The following COL16A1 variants were observed in gnomAD, a reference collection of about 807,000 sequenced individuals.
COL16A1 encodes the protein collagen alpha-1(XVI) chain.
Under a neutral mutation model 266.3 loss-of-function variants are expected in COL16A1, and 189 were observed. That is an observed-to-expected ratio of 0.71 (90% confidence interval 0.63 to 0.80). The LOEUF is 0.80. Ranked by LOEUF, COL16A1 falls within the 30% of genes least tolerant of loss-of-function variation. COL16A1 has a pLI of 0.00. For missense variants in COL16A1, 1,928 were observed against 2,122.4 expected (o/e 0.91, Z 1.80); for synonymous variants, 740 against 782.3 (o/e 0.95, Z 0.90).
chr1:31,693,022 G>A, intron 13 of COL16A1, 70 bp downstream of exon 13: 1 of 1,105,644 alleles, frequency 9.0e-7, no homozygotes, highest in Non-Finnish European at 1.4e-6. Context: ...TGGGATGATG[G>A]CTCACATCCC....
chr1:31,662,234 C>A (rs549308692), intron 58 of COL16A1, 100 bp downstream of exon 58: 56 of 1,548,950 alleles, frequency 3.6e-5, no homozygotes, highest in Non-Finnish European at 4.8e-5. Context: ...CTGACAAAGA[C>A]GGGGATACTT....
chr1:31,694,630 A>G (rs1459294361), intron 11 of COL16A1, among the ~76,000 whole-genome samples: 1 of 152,192 alleles, frequency 6.6e-6, no homozygotes, highest in African/African-American at 2.4e-5. Flanking sequence ...TCAGAATGTT[A>G]GGCCCCAGAA....
chr1:31,662,980 C>A, intron 56 of COL16A1: 1 of 462,066 alleles, frequency 2.2e-6, no homozygotes, highest in Non-Finnish European at 3.9e-6. Context: ...CAGCTTCAAT[C>A]CACTGTGAAA....
Position 31,691,419 on chromosome 1 carries a change from G to A in COL16A1, c.1396C>T (p.Pro466Ser). Residue 466 changes from proline (P) to serine (S), a missense_variant and splice_region_variant, in exon 19 of 71, where the codon CCG (proline) becomes TCG (serine). Pro to Ser is a moderately conservative substitution (Grantham distance 74). Around this residue, in one of 2 missense-constraint regions of COL16A1, gnomAD observed 1,552 missense variants for 1,637.2 expected, o/e 0.95. Transcript: ENST00000373672. ...AGGAGAAGCAAGGGGGTACTCACCG[G>A]GGTCCCAGGCAGTCCTATCCCAGGG... ...GPPGIGLPGT[P>S]GDPGGPPGPK... The A allele has an allele frequency of 6.2e-7, 1 of 1,609,720 alleles. No homozygotes were observed. The highest frequency in any genetic ancestry group is 8.5e-7 in the Non-Finnish European group (1 of 1,177,388).
Position 31,686,247 on chromosome 1 carries a change from ACTGCCAGCTGGCC to A in COL16A1, c.1823_1835del (p.Gly608ValfsTer69), listed in dbSNP as rs746331481. On this transcript the variant is annotated frameshift_variant, in exon 27 of 71. Coordinates refer to ENST00000373672, the MANE Select transcript of COL16A1 (RefSeq NM_001856.4). LOFTEE classifies it high-confidence loss of function. Reference sequence around the variant, plus strand: ...TTGCCATCCAAAACATACTTACTGGACTGCCAGCTGGCCCTGCCTCCCCGAAGTTACCCTGAGA... The same window carrying A: ...TTGCCATCCAAAACATACTTACTGGACTGCCTCCCCGAAGTTACCCTGAGA... 14 of 1,614,032 alleles carry A rather than the reference ACTGCCAGCTGGCC, an allele frequency of 8.7e-6. No homozygotes were observed. Among genetic ancestry groups the A allele is most frequent in the Non-Finnish European group, 1.0e-5 (12 of 1,180,038 alleles).
chr1:31,672,458 GC>G lies in COL16A1; in HGVS notation c.3062del (p.Gly1021AlafsTer20). ...CTGGCAATCCCGGAGGACCAGGTAG[GC>G]CTGGGCTCCCAACACAGCCAGGATC... ...EGDPGCVGSP[G>X]LPGPPGLPGQ... On this transcript the variant is annotated frameshift_variant, in exon 47 of 71. Transcript: ENST00000373672. LOFTEE classifies it high-confidence loss of function. 6.2e-7 allele frequency: 1 copy of G among 1,614,132 alleles called. No individual in the cohort carries two copies. The highest frequency in any genetic ancestry group is 2.2e-5 in the East Asian group (1 of 44,878).
chr1:31,682,552 G>A (rs973075347), intron 37 of COL16A1, among the ~76,000 whole-genome samples: 1 of 152,196 alleles, frequency 6.6e-6, no homozygotes, highest in East Asian at 1.9e-4. Flanking sequence ...CCTAATGACT[G>A]GGGATGGGCT....
Position 31,658,478 on chromosome 1 carries a change from G to A in COL16A1, c.4020+10C>T, listed in dbSNP as rs1557609087. 1 of 1,594,266 alleles carries A rather than the reference G, an allele frequency of 6.3e-7. No homozygotes were observed. Reference sequence around the variant, plus strand: ...CCCCCTGGGCTATGCTGTAGAATGTGGGATCTTACTGGGGGGCCAGGGTGT... The same window carrying A: ...CCCCCTGGGCTATGCTGTAGAATGTAGGATCTTACTGGGGGGCCAGGGTGT... On this transcript the variant is annotated intron_variant, in intron 64 of 70. Transcript: ENST00000373672.
intron 62 of COL16A1, 51 bp downstream of exon 62, chr1:31,660,534 C>T (rs41263967): frequency 0.12 from 186,270 of 1,603,304 alleles, 12,043 homozygotes; most frequent in Middle Eastern, 0.17. Flanking sequence ...CCAACCACCC[C>T]GCCAAAATGC....
At chr1:31,681,314 G>A (rs997855129) in intron 37 of COL16A1, among the ~76,000 whole-genome samples, 1 of 152,236 alleles carries the variant, frequency 6.6e-6, no homozygotes, top group Non-Finnish European at 1.5e-5. Flanking sequence ...AATGGAATCC[G>A]CTCTCCCAGC....
At chr1:31,662,739 G>T in intron 56 of COL16A1, 81 bp from the exon 57 acceptor site, 1 of 1,398,178 alleles carries the variant, frequency 7.2e-7, no homozygotes, top group Non-Finnish European at 9.6e-7. Flanking sequence ...ACCAGGCCCT[G>T]GGTCAAGGGT....
chr1:31,695,706 G>A, intron 10 of COL16A1, 55 bp downstream of exon 10: 9 of 1,580,956 alleles, frequency 5.7e-6, no homozygotes, highest in South Asian at 3.3e-5. Flanking sequence ...CCAAAGCCTG[G>A]TGCAAAGGGT....
chr1:31,689,648 C>A, intron 23 of COL16A1, 93 bp downstream of exon 23: 1 of 997,868 alleles, frequency 1.0e-6, no homozygotes, highest in Non-Finnish European at 1.6e-6. Flanking sequence ...CGAGAAGTAC[C>A]CAGCCCCTCT....
intron 69 of COL16A1, 37 bp downstream of exon 69, chr1:31,653,830 T>C (rs3817398): frequency 0.53 from 847,749 of 1,587,582 alleles, 232,150 homozygotes; most frequent in South Asian, 0.56. Flanking sequence ...CCCCAAAGAA[T>C]TACATGTGTC....
chr1:31,652,797 G>C lies in COL16A1; in HGVS notation c.4669C>G (p.Gln1557Glu), dbSNP rs767460106. The C allele has an allele frequency of 5.6e-6, 9 of 1,599,638 alleles. No homozygotes were observed. The highest frequency in any genetic ancestry group is 3.6e-5 in the Admixed American group (2 of 55,566). The change falls in exon 71 of 71, where the codon CAA becomes GAA. Residue 1557 changes from glutamine (Q) to glutamate (E), a missense_variant. Coordinates refer to ENST00000373672, the MANE Select transcript of COL16A1 (RefSeq NM_001856.4). This position sits in a 1 kb window ranked among gnomAD's most constrained non-coding sequence, Gnocchi z 4.8. ...KMGATGPMGQ[Q>E]GIPGIPGPPG... ...GGCCCAGGGATGCCAGGGATGCCTT[G>C]CTGGCCCATTGGTCCTGTTGCACCC... is the stretch of plus-strand genomic sequence containing the variant.
At position 31,668,085 on chromosome 1, in the gene COL16A1, C is replaced by G; in HGVS notation, c.3303+80G>C. On this transcript the variant is annotated intron_variant, in intron 51 of 70. Transcript: ENST00000373672. The surrounding 1 kb of genome is among the most constrained non-coding windows in gnomAD (Gnocchi z 5.8). ...TAATGGGGAGCCCGCCGAGGGTTGC[C>G]CAGCCTGGCTGTGTCCTGACCACCA... The G allele has an allele frequency of 7.5e-7, 1 of 1,337,580 alleles. No individual in the cohort carries two copies. The highest frequency in any genetic ancestry group is 1.3e-5 in the South Asian group (1 of 79,682). The allele number at this position is 1,337,580 out of a possible 1,614,324, so 82.9% of individuals were successfully genotyped here.
At chr1:31,653,836 G>A in intron 69 of COL16A1, 31 bp downstream of exon 69, 2 of 1,593,218 alleles carry the variant, frequency 1.3e-6, no homozygotes, top group Non-Finnish European at 1.7e-6. Context: ...AGAATTACAT[G>A]TGTCCCTTGG....
At chr1:31,681,467 C>T (rs895087256) in intron 37 of COL16A1, among the ~76,000 whole-genome samples, 1 of 152,226 alleles carries the variant, frequency 6.6e-6, no homozygotes, top group African/African-American at 2.4e-5. Context: ...GTGCTTGATA[C>T]ACTTTCTCCC....
At chr1:31,677,163 G>A (rs900558004) in intron 42 of COL16A1, among the ~76,000 whole-genome samples, 6 of 152,154 alleles carry the variant, frequency 3.9e-5, no homozygotes, top group African/African-American at 4.8e-5. Context: ...TCAGCTCATC[G>A]AAACCTCCGC....
Sources: gnomAD v4.1 joint callset for allele counts (sites outside exome capture counted in the v4.1 genomes callset) on GRCh38, gnomAD v4.1.1 for gene constraint, gnomAD v4.1.1 regional missense constraint, Gnocchi (gnomAD v3.1) non-coding constraint, MANE v1.5 for transcripts, NCBI Gene and HGNC (gene_info 2026-07-23, HGNC 2026-07-21) for gene names.